The following SNAP91 variants were observed in gnomAD, a reference collection of about 807,000 sequenced individuals.
SNAP91 encodes synaptosome associated protein 91.
SNAP91 carries 27 observed loss-of-function variants against 100.3 expected under a neutral mutation model. The ratio of observed to expected loss-of-function variants is 0.27; its 90% confidence interval spans 0.20 to 0.37. The LOEUF (loss-of-function observed/expected upper bound fraction) is 0.37. Ranked by LOEUF, SNAP91 falls within the 10% of genes least tolerant of loss-of-function variation. The pLI, the probability that SNAP91 is intolerant of heterozygous loss-of-function variation, is 1.00. For synonymous variants in SNAP91, 404 were observed against 398.6 expected, an observed-to-expected ratio of 1.01 and a Z score of -0.16; for missense variants, 986 against 1,123.7, an observed-to-expected ratio of 0.88 and a Z score of 1.75.
chr6:83,577,069 GT>G (rs1820040738), intron 24 of SNAP91, among the ~76,000 whole-genome samples: 1 of 152,158 alleles, frequency 6.6e-6, no homozygotes. Context: ...GGCAAAGTAA[GT>G]GGGGTTGAAG....
At chr6:83,620,917 G>A (rs1243950749) in intron 9 of SNAP91, among the ~76,000 whole-genome samples, 3 of 151,568 alleles carry the variant, frequency 2.0e-5, no homozygotes, top group African/African-American at 2.4e-5. Flanking sequence ...GGGTTTCACC[G>A]TGGTCTCGAT....
chr6:83,697,530 C>G (rs938041894), intron 2 of SNAP91, among the ~76,000 whole-genome samples: 1 of 152,052 alleles, frequency 6.6e-6, no homozygotes, highest in Non-Finnish European at 1.5e-5. Flanking sequence ...CCAATTTTCT[C>G]ATTGTTTTAA....
intron 2 of SNAP91, among the ~76,000 whole-genome samples, chr6:83,695,295 A>T (rs2099188685): frequency 1.3e-5 from 2 of 148,682 alleles, no homozygotes; most frequent in Non-Finnish European, 3.0e-5. Flanking sequence ...AAAAAAAAAA[A>T]AAAAAGAGAA....
At chr6:83,683,889 C>T (rs563028689) in intron 2 of SNAP91, among the ~76,000 whole-genome samples, 7 of 152,262 alleles carry the variant, frequency 4.6e-5, no homozygotes, top group African/African-American at 1.7e-4. Flanking sequence ...TTCTTGTTTT[C>T]CACGTTCAGT....
intron 21 of SNAP91, among the ~76,000 whole-genome samples, chr6:83,592,137 C>T (rs2093845911): frequency 6.6e-6 from 1 of 152,130 alleles, no homozygotes; most frequent in Non-Finnish European, 1.5e-5. Context: ...GCCAACAGAT[C>T]AGGATCACCA....
chr6:83,651,813 G>A (rs779453054), intron 7 of SNAP91, among the ~76,000 whole-genome samples: 16 of 152,056 alleles, frequency 1.1e-4, no homozygotes, highest in Non-Finnish European at 2.2e-4. Flanking sequence ...TCTGCCTCCT[G>A]AATCTGTCCA....
At chr6:83,587,188 T>C (rs2092827862) in intron 22 of SNAP91, among the ~76,000 whole-genome samples, 1 of 152,110 alleles carries the variant, frequency 6.6e-6, no homozygotes, top group Non-Finnish European at 1.5e-5. Flanking sequence ...TCTAAAATCA[T>C]TTTAAAATTT....
chr6:83,703,220 A>G (rs1377690578), intron 2 of SNAP91, among the ~76,000 whole-genome samples: 1 of 151,476 alleles, frequency 6.6e-6, no homozygotes, highest in Non-Finnish European at 1.5e-5. Flanking sequence ...AAATATATTT[A>G]CAGCAAGTTA....
Position 83,582,327 on chromosome 6 carries a change from G to A in SNAP91, c.2044C>T (p.Pro682Ser), listed in dbSNP as rs1328971902. The A allele has an allele frequency of 6.2e-7, 1 of 1,613,208 alleles. No individual in the cohort carries two copies. The highest frequency in any genetic ancestry group is 2.2e-5 in the East Asian group (1 of 44,848). Reference sequence around the variant, plus strand: ...TTCTGAGCTGGAGTCACTGGAGATGGGGAAGGCGCCATGAAAGAACCCCCA... The same window carrying A: ...TTCTGAGCTGGAGTCACTGGAGATGAGGAAGGCGCCATGAAAGAACCCCCA... ...GFGGSFMAPSPSPVTPAQNNL... is the reference protein window; with the variant it reads ...GFGGSFMAPSSSPVTPAQNNL... The change falls in exon 23 of 30, where the codon CCA (proline) becomes TCA (serine). Residue 682 changes from proline (P) to serine (S), a missense_variant. Pro to Ser is a moderately conservative substitution (Grantham distance 74). Coordinates refer to ENST00000369694, the MANE Select transcript of SNAP91 (RefSeq NM_001242792.2).
chr6:83,671,565 C>T (rs1419939837), intron 2 of SNAP91, among the ~76,000 whole-genome samples: 2 of 151,844 alleles, frequency 1.3e-5, no homozygotes, highest in African/African-American at 4.8e-5. Context: ...TACTTGTTAC[C>T]CCATCTTGCC....
intron 8 of SNAP91, among the ~76,000 whole-genome samples, chr6:83,639,128 A>G (rs1238172863): frequency 2.6e-5 from 4 of 152,212 alleles, no homozygotes; most frequent in African/African-American, 4.8e-5. Context: ...CAAATAACCA[A>G]TATATAAAGT....
chr6:83,638,461 A>T (rs1042745732), intron 8 of SNAP91, among the ~76,000 whole-genome samples: 1 of 151,784 alleles, frequency 6.6e-6, no homozygotes, highest in Non-Finnish European at 1.5e-5. Context: ...TATTATTACA[A>T]ATTAGGGAAA....
At position 83,575,221 on chromosome 6, in the gene SNAP91, A is replaced by G. The variant is rs963152496; in HGVS notation, c.2331-100T>C. 9 of 813,098 alleles carry G rather than the reference A, an allele frequency of 1.1e-5. No individual in the cohort carries two copies. In the East Asian group the frequency reaches 2.4e-4, roughly 22 times the overall value. 50.4% of individuals were successfully genotyped at this position (813,098 alleles called of 1,614,324 possible). A position where few individuals can be genotyped will look rare whatever the true frequency, so the allele number is the denominator to read the frequency against. ...GATTATTTTATTTGGGTTTAAAAGCAGTTTATTTAGTCAAGTGGTATAGTA... is the reference window on the plus strand; with the variant it reads ...GATTATTTTATTTGGGTTTAAAAGCGGTTTATTTAGTCAAGTGGTATAGTA... On this transcript the variant is annotated intron_variant, in intron 25 of 29. Transcript: ENST00000369694.
intron 11 of SNAP91, chr6:83,611,454 T>G: frequency 2.2e-6 from 1 of 455,916 alleles, no homozygotes. Flanking sequence ...CTAACTTCAG[T>G]TAGTGAAAAA....
At chr6:83,607,182 G>A (rs909986618) in intron 13 of SNAP91, among the ~76,000 whole-genome samples, 3 of 152,098 alleles carry the variant, frequency 2.0e-5, no homozygotes, top group Non-Finnish European at 2.9e-5. Flanking sequence ...TTCAAAGAAC[G>A]CACAGTCATC....
intron 22 of SNAP91, among the ~76,000 whole-genome samples, chr6:83,582,564 T>C (rs1243767338): frequency 6.6e-6 from 1 of 152,194 alleles, no homozygotes; most frequent in Non-Finnish European, 1.5e-5. Flanking sequence ...TTTAATTTAA[T>C]TAGAAATAAG....
chr6:83,574,907 A>G (rs1306502763), intron 26 of SNAP91, 103 bp downstream of exon 26: 12 of 695,018 alleles, frequency 1.7e-5, no homozygotes, highest in Non-Finnish European at 2.7e-5. Flanking sequence ...ATGCAGAGGA[A>G]TAAGTACACC....
chr6:83,607,586 C>G, intron 13 of SNAP91, 113 bp downstream of exon 13: 1 of 626,614 alleles, frequency 1.6e-6, no homozygotes, highest in Non-Finnish European at 2.6e-6. Flanking sequence ...AAAACTTCAA[C>G]ATTACTAGGA....
intron 10 of SNAP91, 134 bp downstream of exon 10, chr6:83,616,835 G>C: frequency 1.7e-6 from 1 of 574,738 alleles, no homozygotes; most frequent in Non-Finnish European, 3.0e-6. Context: ...TAGGGGTTCT[G>C]AGGGAGCCCA....
Sources: gnomAD v4.1 joint callset for allele counts (sites outside exome capture counted in the v4.1 genomes callset) on GRCh38, gnomAD v4.1.1 for gene constraint, MANE v1.5 for transcripts, NCBI Gene and HGNC (gene_info 2026-07-23, HGNC 2026-07-21) for gene names.